Variants in CSMD1 observed in about 807,000 individuals in gnomAD.
The protein encoded by CSMD1 is CUB and sushi domain-containing protein 1.
Under a neutral mutation model 417.5 loss-of-function variants are expected in CSMD1, and 213 were observed. The ratio of observed to expected loss-of-function variants is 0.51; its 90% CI spans 0.46 to 0.57. The LOEUF is 0.57. Ranked by LOEUF, CSMD1 falls within the 20% of genes least tolerant of loss-of-function variation. CSMD1 has a pLI of 0.00. For synonymous variants in CSMD1, 2,862 were observed against 1,736.8 expected (o/e 1.65, Z -16.11); for missense variants, 6,923 against 4,529.7 (o/e 1.53, Z -15.17).
chr8:3,143,747 G>C (rs931025531), intron 40 of CSMD1, among the ~76,000 whole-genome samples: 1 of 152,082 alleles, frequency 6.6e-6, no homozygotes, highest in African/African-American at 2.4e-5. Flanking sequence ...TGATAGATGA[G>C]AACTTTAAAA....
At chr8:4,455,690 G>T (rs12335308) in intron 2 of CSMD1, among the ~76,000 whole-genome samples, 6 of 151,490 alleles carry the variant, frequency 4.0e-5, no homozygotes, top group Non-Finnish European at 8.8e-5. Context: ...CAGCACTTTG[G>T]GAGGCCGAAG....
At chr8:4,178,223 T>A (rs903975993) in intron 3 of CSMD1, among the ~76,000 whole-genome samples, 1 of 152,202 alleles carries the variant, frequency 6.6e-6, no homozygotes. Flanking sequence ...ATCAAAAAGC[T>A]AATCCACTAT....
At chr8:4,744,258 A>G (rs1221912923) in intron 1 of CSMD1, among the ~76,000 whole-genome samples, 2 of 152,184 alleles carry the variant, frequency 1.3e-5, no homozygotes, top group Non-Finnish European at 2.9e-5. Context: ...AGTACAGCTC[A>G]GGGGCTTGAA....
chr8:4,030,383 C>G (rs370964253), intron 4 of CSMD1, among the ~76,000 whole-genome samples: 1 of 152,224 alleles, frequency 6.6e-6, no homozygotes, highest in Admixed American at 6.5e-5. Flanking sequence ...AAATTATTGA[C>G]TTCTACACAT....
At chr8:3,351,305 AT>A (rs150918209) in intron 21 of CSMD1, among the ~76,000 whole-genome samples, 2,994 of 152,220 alleles carry the variant, frequency 0.02, 103 homozygotes, top group African/African-American at 0.069. Flanking sequence ...AAAGTATTAA[AT>A]TGCTATGAAA....
chr8:4,766,613 TG>T (rs1563331594), intron 1 of CSMD1, among the ~76,000 whole-genome samples: 1 of 152,188 alleles, frequency 6.6e-6, no homozygotes, highest in Non-Finnish European at 1.5e-5. Context: ...GTTTACTGAA[TG>T]AAAAAGCAAC....
intron 3 of CSMD1, among the ~76,000 whole-genome samples, chr8:4,103,992 G>A (rs1037592822): frequency 4.6e-5 from 7 of 152,180 alleles, no homozygotes; most frequent in East Asian, 1.9e-4. Flanking sequence ...TTCTAAGAGT[G>A]CCCCAGCTGC....
At chr8:3,807,985 G>C (rs1342552951) in intron 5 of CSMD1, among the ~76,000 whole-genome samples, 1 of 152,144 alleles carries the variant, frequency 6.6e-6, no homozygotes, top group African/African-American at 2.4e-5. Flanking sequence ...CCCTATTCCT[G>C]TGTCATTTAA....
chr8:4,193,290 A>G (rs151227855), intron 3 of CSMD1, among the ~76,000 whole-genome samples: 40 of 152,320 alleles, frequency 2.6e-4, no homozygotes, highest in African/African-American at 9.1e-4. Context: ...GTATTAAAAT[A>G]CCATGCCCAT....
chr8:3,390,143 T>G (rs1421580074), intron 17 of CSMD1, among the ~76,000 whole-genome samples: 1 of 151,902 alleles, frequency 6.6e-6, no homozygotes, highest in African/African-American at 2.4e-5. Flanking sequence ...TCACCTGATG[T>G]CAGGAGTTTG....
At chr8:3,778,624 C>T (rs1171493448) in intron 5 of CSMD1, among the ~76,000 whole-genome samples, 2 of 152,210 alleles carry the variant, frequency 1.3e-5, no homozygotes, top group African/African-American at 4.8e-5. Flanking sequence ...TTCTGCACCT[C>T]TCCTTCCTGC....
chr8:4,021,126 C>T (rs2740933), intron 4 of CSMD1, among the ~76,000 whole-genome samples: 31,881 of 152,192 alleles, frequency 0.21, 4,177 homozygotes, highest in South Asian at 0.31. Flanking sequence ...AGGCTCAATA[C>T]AGTAGCCTGA....
At chr8:3,910,086 T>C (rs1031212994) in intron 5 of CSMD1, among the ~76,000 whole-genome samples, 10 of 152,254 alleles carry the variant, frequency 6.6e-5, no homozygotes, top group East Asian at 3.9e-4. Flanking sequence ...TAACATGGCA[T>C]TGGGGAAAGG....
At chr8:3,887,082 C>G (rs1048304359) in intron 5 of CSMD1, among the ~76,000 whole-genome samples, 1 of 152,186 alleles carries the variant, frequency 6.6e-6, no homozygotes, top group Non-Finnish European at 1.5e-5. Flanking sequence ...CAATCCCACT[C>G]TAGCTGAGCT....
At chr8:4,162,441 T>A (rs1427288739) in intron 3 of CSMD1, among the ~76,000 whole-genome samples, 1 of 152,172 alleles carries the variant, frequency 6.6e-6, no homozygotes, top group African/African-American at 2.4e-5. Context: ...ATAAACAGAA[T>A]AGAGGTGAAT....
chr8:4,448,029 G>T (rs1154069), intron 2 of CSMD1, among the ~76,000 whole-genome samples: 2 of 152,138 alleles, frequency 1.3e-5, no homozygotes, highest in Admixed American at 1.3e-4. Context: ...AACTAAAGTG[G>T]TTCCGCATGA....
intron 7 of CSMD1, among the ~76,000 whole-genome samples, chr8:3,682,290 C>T (rs923693847): frequency 7.9e-5 from 12 of 152,100 alleles, no homozygotes; most frequent in African/African-American, 2.9e-4. Context: ...GCAATCTACT[C>T]ATCTGACAAA....
At chr8:3,729,108 G>C (rs866313034) in intron 6 of CSMD1, among the ~76,000 whole-genome samples, 10 of 152,150 alleles carry the variant, frequency 6.6e-5, no homozygotes, top group African/African-American at 1.2e-4. Context: ...TAAAGGTTTC[G>C]AGCTAAAGTA....
At chr8:4,457,354 G>A (rs189566176) in intron 2 of CSMD1, among the ~76,000 whole-genome samples, 3 of 152,106 alleles carry the variant, frequency 2.0e-5, no homozygotes, top group African/African-American at 4.8e-5. Context: ...GGGGTTTGCG[G>A]AGGAAGAAGT....
Sources: gnomAD v4.1 joint callset for allele counts (sites outside exome capture counted in the v4.1 genomes callset) on GRCh38, gnomAD v4.1.1 for gene constraint, MANE v1.5 for transcripts, NCBI Gene and HGNC (gene_info 2026-07-23, HGNC 2026-07-21) for gene names.